PPP1R9A: variants seen among roughly 807,000 people sequenced by gnomAD.
The protein encoded by PPP1R9A is neurabin-1.
A neutral mutation model predicts 141.9 loss-of-function variants in PPP1R9A; 59 were observed. The observed-to-expected ratio is 0.42, with a 90% confidence interval of 0.34 to 0.52. The LOEUF is 0.52. Ranked by LOEUF, PPP1R9A falls within the 20% of genes least tolerant of loss-of-function variation. PPP1R9A has a pLI of 0.10. For missense variants in PPP1R9A, 1,444 were observed against 1,611.9 expected (o/e 0.90, Z 1.78); for synonymous variants, 500 against 569.7 (o/e 0.88, Z 1.74).
chr7:95,165,583 A>G (rs1563342252), intron 5 of PPP1R9A, among the ~76,000 whole-genome samples: 1 of 152,370 alleles, frequency 6.6e-6, no homozygotes, highest in East Asian at 1.9e-4. Context: ...ACTCACAGAA[A>G]CTATGGAAGA....
chr7:95,000,540 C>T (rs888000897), intron 2 of PPP1R9A, among the ~76,000 whole-genome samples: 2 of 151,766 alleles, frequency 1.3e-5, no homozygotes, highest in Non-Finnish European at 2.9e-5. Context: ...GTTCTTTTTC[C>T]TTTATTTTTT....
At chr7:95,065,282 G>T (rs1218059443) in intron 2 of PPP1R9A, among the ~76,000 whole-genome samples, 1 of 152,060 alleles carries the variant, frequency 6.6e-6, no homozygotes, top group Non-Finnish European at 1.5e-5. Context: ...GCCCAGGCTG[G>T]TCTTGAACTC....
chr7:95,226,678 C>T (rs1458014896), intron 8 of PPP1R9A, among the ~76,000 whole-genome samples: 2 of 152,150 alleles, frequency 1.3e-5, no homozygotes, highest in African/African-American at 2.4e-5. Flanking sequence ...AAAGCTGCAT[C>T]CTTGGGGCAA....
chr7:95,143,239 T>A (rs1488575978), intron 4 of PPP1R9A, among the ~76,000 whole-genome samples: 1 of 152,212 alleles, frequency 6.6e-6, no homozygotes, highest in African/African-American at 2.4e-5. Flanking sequence ...TATTAGTTGC[T>A]TAGCTTTCTG....
intron 17 of PPP1R9A, 75 bp downstream of exon 17, chr7:95,284,405 C>G: frequency 1.6e-6 from 2 of 1,264,214 alleles, no homozygotes; most frequent in Non-Finnish European, 2.1e-6. Flanking sequence ...CTACCACCTT[C>G]TTTAATGCTG....
intron 2 of PPP1R9A, among the ~76,000 whole-genome samples, chr7:95,002,979 G>A (rs17166568): frequency 0.025 from 3,853 of 152,254 alleles, 187 homozygotes; most frequent in African/African-American, 0.089. Context: ...CCTGAGTCCT[G>A]CTGGTTGGAG....
At chr7:95,172,379 A>G (rs1004225207) in intron 5 of PPP1R9A, among the ~76,000 whole-genome samples, 6 of 151,752 alleles carry the variant, frequency 4.0e-5, no homozygotes, top group Non-Finnish European at 8.9e-5. Flanking sequence ...AGTATCTACA[A>G]AAGATGCTAC....
At chr7:95,194,576 A>G (rs555797278) in intron 5 of PPP1R9A, among the ~76,000 whole-genome samples, 12 of 152,250 alleles carry the variant, frequency 7.9e-5, no homozygotes, top group Non-Finnish European at 1.8e-4. Context: ...ATTCTAGGAA[A>G]TCTGCAAAGG....
intron 8 of PPP1R9A, among the ~76,000 whole-genome samples, chr7:95,240,949 A>AATT (rs10659005): frequency 0.94 from 142,914 of 152,078 alleles, 67,269 homozygotes; most frequent in East Asian, 1. Flanking sequence ...ATCTTTTAGT[A>AATT]GGTTAGTCAG....
At chr7:95,193,213 CT>C (rs1008174471) in intron 5 of PPP1R9A, among the ~76,000 whole-genome samples, 9 of 152,084 alleles carry the variant, frequency 5.9e-5, no homozygotes, top group African/African-American at 1.9e-4. Context: ...GATTACAAAG[CT>C]TTAAAGATGT....
intron 5 of PPP1R9A, among the ~76,000 whole-genome samples, chr7:95,177,712 G>A (rs1008327918): frequency 4.6e-5 from 7 of 151,996 alleles, no homozygotes; most frequent in African/African-American, 1.7e-4. Flanking sequence ...GACACCAAAA[G>A]CGAGGAGTAG....
intron 2 of PPP1R9A, among the ~76,000 whole-genome samples, chr7:95,023,881 G>A (rs1235289108): frequency 6.6e-6 from 1 of 152,036 alleles, no homozygotes; most frequent in Non-Finnish European, 1.5e-5. Context: ...GTGATGTTAG[G>A]GTGTCGATTT....
chr7:95,216,918 G>T (rs1004971856), intron 7 of PPP1R9A, among the ~76,000 whole-genome samples: 3 of 152,148 alleles, frequency 2.0e-5, no homozygotes, highest in Non-Finnish European at 2.9e-5. Context: ...TGCAAACAGG[G>T]ACAATTTGAC....
intron 2 of PPP1R9A, among the ~76,000 whole-genome samples, chr7:94,999,698 C>T (rs962321292): frequency 1.4e-4 from 22 of 152,214 alleles, no homozygotes; most frequent in African/African-American, 4.8e-4. Flanking sequence ...AATTGTTGAT[C>T]GTGTGCAACT....
chr7:95,287,233 T>C (rs1805522466), intron 18 of PPP1R9A: 2 of 1,402,544 alleles, frequency 1.4e-6, no homozygotes, highest in Non-Finnish European at 2.0e-6. Flanking sequence ...AATACAAGAA[T>C]ATCTTCCTCT....
At chr7:95,025,494 T>G (rs1056662665) in intron 2 of PPP1R9A, among the ~76,000 whole-genome samples, 1 of 152,258 alleles carries the variant, frequency 6.6e-6, no homozygotes, top group Non-Finnish European at 1.5e-5. Flanking sequence ...TCTCTCTGGC[T>G]GCCCTTAACA....
chr7:94,911,263 C>A lies in PPP1R9A; in HGVS notation c.1150C>A (p.Pro384Thr), dbSNP rs746747674. The A allele has an allele frequency of 6.2e-7, 1 of 1,614,070 alleles. No homozygotes were observed. Among genetic ancestry groups the A allele is most frequent in the Non-Finnish European group, 8.5e-7 (1 of 1,180,016 alleles). ...TGCATCCAGTTGTGGAAAAGAAGTA[C>A]CTGAAGATTCAAATAATTTTGATGG... ...ASASSCGKEV[P>T]EDSNNFDGSH... Residue 384 changes from proline (P) to threonine (T), a missense_variant, in exon 2 of 20, where the codon CCT (proline) becomes ACT (threonine). Around this residue, in one of 5 missense-constraint regions of PPP1R9A, gnomAD observed 490 missense variants for 521.1 expected, o/e 0.94. Transcript: ENST00000433360.
intron 8 of PPP1R9A, among the ~76,000 whole-genome samples, chr7:95,235,627 A>C (rs1796577167): frequency 6.6e-6 from 1 of 152,170 alleles, no homozygotes; most frequent in Admixed American, 6.6e-5. Flanking sequence ...TCCTTAAAGA[A>C]CTAAAAGTAG....
At chr7:95,000,648 G>T (rs1802794151) in intron 2 of PPP1R9A, among the ~76,000 whole-genome samples, 1 of 152,040 alleles carries the variant, frequency 6.6e-6, no homozygotes, top group Non-Finnish European at 1.5e-5. Flanking sequence ...CATTTAGGAA[G>T]AATTTTTATG....
Sources: allele counts gnomAD v4.1 joint callset (sites outside exome capture counted in the v4.1 genomes callset), GRCh38; gene constraint gnomAD v4.1.1; regional missense constraint gnomAD v4.1.1; transcripts MANE v1.5; gene names NCBI Gene and HGNC (gene_info 2026-07-23, HGNC 2026-07-21).